Variants in SOCS7 observed in about 807,000 individuals in gnomAD.
SOCS7 encodes the protein suppressor of cytokine signaling 7, also known as NAP-4.
SOCS7 carries 18 observed loss-of-function variants against 58.9 expected under a neutral mutation model. The ratio of observed to expected loss-of-function variants is 0.31; its 90% CI spans 0.21 to 0.45. SOCS7 has a LOEUF of 0.45. SOCS7 is among the 20% of genes least tolerant of loss of function. SOCS7 has a pLI of 1.00. For synonymous variants in SOCS7, 388 were observed against 364.3 expected (o/e 1.06, Z -0.74); for missense variants, 667 against 837.3 (o/e 0.80, Z 2.51).
chr17:38,352,904 C>T lies in SOCS7; in HGVS notation c.852C>T (p.Thr284=), dbSNP rs752170639. The T allele has an allele frequency of 1.6e-5, 26 of 1,605,154 alleles. No homozygotes were observed. The South Asian group carries it at 2.5e-4, about 15-fold the overall frequency. The change falls in exon 1 of 10, where the codon ACC becomes ACT. Residue 284 remains threonine, a synonymous_variant. Coordinates refer to ENST00000612932, the MANE Select transcript of SOCS7 (RefSeq NM_014598.4). The surrounding 1 kb of genome is among the most constrained non-coding windows in gnomAD (Gnocchi z 5.5). ...FKIRLSRLFR[T]KSCNGGSGGG... is the part of the protein sequence containing the mutation. ...TCCGCCTCAGTCGCCTCTTTCGCAC[C>T]AAGAGCTGCAACGGTGGCTCCGGCG...
chr17:38,356,364 G>T (rs1002740488), intron 1 of SOCS7, among the ~76,000 whole-genome samples: 2 of 151,372 alleles, frequency 1.3e-5, no homozygotes, highest in African/African-American at 2.4e-5. Flanking sequence ...CTGGGCAACA[G>T]AGCCAGACTC....
At chr17:38,371,739 G>A (rs914254058) in intron 6 of SOCS7, among the ~76,000 whole-genome samples, 8 of 147,860 alleles carry the variant, frequency 5.4e-5, no homozygotes, top group African/African-American at 2.0e-4. Flanking sequence ...GAGCCACTGT[G>A]CCTGGCCCTT....
rs1377982793 is a variant in SOCS7 at position 38,352,815 on chromosome 17, C to A, written c.763C>A (p.Pro255Thr). ...GCAGCAGCAGCAGCAACCTCCCCCG[C>A]CCCCGCCTCCTCCCGGGCCCCTCCG... is the stretch of plus-strand genomic sequence containing the variant. ...QQQQQQQPPP[P>T]PPPPGPLRPL... is the part of the protein sequence containing the mutation. Residue 255 changes from proline (P) to threonine (T), a missense_variant, in exon 1 of 10, where the codon CCC (proline) becomes ACC (threonine). By Grantham distance (38) the Pro-to-Thr change is conservative. Transcript: ENST00000612932. This position sits in a 1 kb window ranked among gnomAD's most constrained non-coding sequence, Gnocchi z 5.5. 1 of 1,558,248 alleles carries A rather than the reference C, an allele frequency of 6.4e-7. No individual in the cohort carries two copies. Among genetic ancestry groups the A allele is most frequent in the Non-Finnish European group, 8.7e-7 (1 of 1,151,586 alleles).
chr17:38,391,118 GA>G (rs1459254881), intron 7 of SOCS7, among the ~76,000 whole-genome samples: 1 of 152,038 alleles, frequency 6.6e-6, no homozygotes, highest in African/African-American at 2.4e-5. Flanking sequence ...TTTATAGCTA[GA>G]GTATAGAAAT....
In SOCS7 at chr17:38,366,247, G is replaced by A. The variant is rs751153119; in HGVS notation, c.1253-40G>A. ...GAGGGTCTATTTGTGGTTGGGAGCA[G>A]TGAGGGTAAACAAGTGACCACCACT... On this transcript the variant is annotated intron_variant, in intron 4 of 9. Transcript: ENST00000612932. 4.4e-6 allele frequency: 7 copies of A among 1,605,700 alleles called. No homozygotes were observed. The South Asian group carries it at 7.8e-5, about 18-fold the overall frequency.
intron 7 of SOCS7, among the ~76,000 whole-genome samples, chr17:38,383,304 G>A (rs1338749260): frequency 1.3e-5 from 2 of 152,148 alleles, no homozygotes; most frequent in African/African-American, 4.8e-5. Flanking sequence ...GACAATGCCT[G>A]ACACAGAGTA....
chr17:38,391,264 A>G (rs1034282395), intron 7 of SOCS7, among the ~76,000 whole-genome samples: 2 of 152,218 alleles, frequency 1.3e-5, no homozygotes, highest in African/African-American at 4.8e-5. Context: ...GCAAGGGAAT[A>G]TAAGGAAAAG....
chr17:38,373,153 T>C (rs1007911480), intron 6 of SOCS7, among the ~76,000 whole-genome samples: 8 of 151,172 alleles, frequency 5.3e-5, no homozygotes, highest in Admixed American at 3.3e-4. Context: ...TAGATAAATA[T>C]GATTTAATAA....
chr17:38,355,160 G>A (rs1402848102), intron 1 of SOCS7, among the ~76,000 whole-genome samples: 3 of 152,182 alleles, frequency 2.0e-5, no homozygotes, highest in Admixed American at 6.5e-5. Context: ...TAGAGAATGT[G>A]AAAGTCTAGA....
At chr17:38,354,978 T>C (rs1555566661) in intron 1 of SOCS7, among the ~76,000 whole-genome samples, 1 of 152,206 alleles carries the variant, frequency 6.6e-6, no homozygotes, top group Non-Finnish European at 1.5e-5. Context: ...CTAAGCACAA[T>C]ACAGATTTCT....
intron 3 of SOCS7, 54 bp from the exon 4 acceptor site, chr17:38,365,254 G>T: frequency 7.4e-7 from 1 of 1,358,056 alleles, no homozygotes; most frequent in Non-Finnish European, 1.0e-6. Context: ...TGCCTTCAGC[G>T]TGCTCATTCT....
chr17:38,377,022 G>A (rs2144358683), intron 6 of SOCS7, among the ~76,000 whole-genome samples: 1 of 152,264 alleles, frequency 6.6e-6, no homozygotes, highest in East Asian at 1.9e-4. Flanking sequence ...GTACCACATA[G>A]CCTAGGTATG....
intron 7 of SOCS7, among the ~76,000 whole-genome samples, chr17:38,391,086 A>T (rs574401250): frequency 1.3e-5 from 2 of 152,086 alleles, no homozygotes; most frequent in South Asian, 4.2e-4. Flanking sequence ...TTGTTTTCTT[A>T]ATTTTAATTA....
intron 9 of SOCS7, among the ~76,000 whole-genome samples, chr17:38,398,667 A>T (rs1393326938): frequency 6.6e-6 from 1 of 152,176 alleles, no homozygotes; most frequent in African/African-American, 2.4e-5. Context: ...GGGGAATTTC[A>T]TGCCAGGGGG....
intron 4 of SOCS7, 40 bp downstream of exon 4, chr17:38,365,449 G>T: frequency 7.5e-7 from 1 of 1,335,410 alleles, no homozygotes. Flanking sequence ...AGAGTTGGGA[G>T]TACAAAGTGA....
At chr17:38,390,289 T>C (rs2038153151) in intron 7 of SOCS7, among the ~76,000 whole-genome samples, 1 of 152,168 alleles carries the variant, frequency 6.6e-6, no homozygotes, top group Non-Finnish European at 1.5e-5. Flanking sequence ...TGTCCATCCT[T>C]ATGCCATTAC....
chr17:38,381,145 G>A (rs1269906005), intron 7 of SOCS7, among the ~76,000 whole-genome samples: 1 of 152,056 alleles, frequency 6.6e-6, no homozygotes, highest in Non-Finnish European at 1.5e-5. Context: ...GGGGCAGGAG[G>A]GTGCACATGC....
At chr17:38,363,901 A>G (rs2144329923) in intron 2 of SOCS7, among the ~76,000 whole-genome samples, 1 of 152,252 alleles carries the variant, frequency 6.6e-6, no homozygotes, top group South Asian at 2.1e-4. Context: ...TGCCAAAATA[A>G]CCGTATTCCT....
intron 7 of SOCS7, among the ~76,000 whole-genome samples, chr17:38,383,761 C>T (rs1260480256): frequency 6.6e-6 from 1 of 152,076 alleles, no homozygotes; most frequent in Admixed American, 6.6e-5. Context: ...TCAGGCTGGT[C>T]TCGAACTCCT....
Sources: gnomAD v4.1 joint callset for allele counts (sites outside exome capture counted in the v4.1 genomes callset) on GRCh38, gnomAD v4.1.1 for gene constraint, Gnocchi (gnomAD v3.1) non-coding constraint, MANE v1.5 for transcripts, NCBI Gene and HGNC (gene_info 2026-07-23, HGNC 2026-07-21) for gene names.